The following SLC35F2 variants were observed in gnomAD, a reference collection of about 807,000 sequenced individuals.
SLC35F2 encodes solute carrier family 35 member F2, also known as queuine/queuosine transporter SLC35F2.
In SLC35F2, 25 loss-of-function variants were observed where a neutral mutation model predicts 38.1. The observed-to-expected ratio is 0.66, with a 90% confidence interval of 0.48 to 0.92. The LOEUF (loss-of-function observed/expected upper bound fraction) is 0.92, where lower values mean the gene tolerates loss of function less well. Ranked by LOEUF, SLC35F2 falls within the 40% of genes least tolerant of loss-of-function variation. The pLI is 0.00. For synonymous variants in SLC35F2, 173 were observed against 181.7 expected, an observed-to-expected ratio of 0.95 and a Z score of 0.38; for missense variants, 409 against 452.9, an observed-to-expected ratio of 0.90 and a Z score of 0.88.
chr11:107,810,919 CTTCAAA>C, intron 3 of SLC35F2: 2 of 979,276 alleles, frequency 2.0e-6, no homozygotes, highest in Non-Finnish European at 1.2e-6. Flanking sequence ...AAGTTATAAA[CTTCAAA>C]TCCCACATCT....
intron 2 of SLC35F2, among the ~76,000 whole-genome samples, chr11:107,813,900 G>A (rs955290248): frequency 6.6e-6 from 1 of 152,082 alleles, no homozygotes; most frequent in East Asian, 1.9e-4. Context: ...CCTGGCCTCA[G>A]GTGATCCTCC....
chr11:107,845,882 G>A (rs1935994630), intron 1 of SLC35F2, among the ~76,000 whole-genome samples: 1 of 151,458 alleles, frequency 6.6e-6, no homozygotes, highest in African/African-American at 2.4e-5. Context: ...GAACCCAGGA[G>A]GCAGAGGTTG....
chr11:107,834,004 G>C (rs1329060527), intron 1 of SLC35F2, among the ~76,000 whole-genome samples: 1 of 152,152 alleles, frequency 6.6e-6, no homozygotes, highest in Non-Finnish European at 1.5e-5. Flanking sequence ...TGCCGGACAC[G>C]GACTCAAGGC....
intron 1 of SLC35F2, among the ~76,000 whole-genome samples, chr11:107,844,026 G>T (rs28455172): frequency 0.018 from 2,698 of 151,568 alleles, 65 homozygotes; most frequent in African/African-American, 0.062. Context: ...CCCAGAAGAT[G>T]CATTCTATTT....
chr11:107,824,673 T>A (rs1591197509), intron 1 of SLC35F2, among the ~76,000 whole-genome samples: 2 of 152,322 alleles, frequency 1.3e-5, no homozygotes, highest in East Asian at 3.9e-4. Flanking sequence ...TTTAAGTGAG[T>A]GTAATACCAC....
intron 1 of SLC35F2, among the ~76,000 whole-genome samples, chr11:107,832,459 T>C (rs1859859743): frequency 6.6e-6 from 1 of 152,156 alleles, no homozygotes; most frequent in Admixed American, 6.5e-5. Flanking sequence ...TTGTGGAAAT[T>C]TTTTGTTATT....
intron 1 of SLC35F2, among the ~76,000 whole-genome samples, chr11:107,857,199 G>A (rs573606003): frequency 1.1e-4 from 15 of 137,112 alleles, no homozygotes; most frequent in African/African-American, 3.6e-4. Context: ...GGACGGACAC[G>A]GACGGAAGGA....
At chr11:107,800,269 G>A (rs1859286891) in intron 7 of SLC35F2, among the ~76,000 whole-genome samples, 1 of 151,868 alleles carries the variant, frequency 6.6e-6, no homozygotes, top group Non-Finnish European at 1.5e-5. Flanking sequence ...CAGCAAGTCT[G>A]CAAAGATAAC....
chr11:107,835,511 AT>A (rs1319504779), intron 1 of SLC35F2, among the ~76,000 whole-genome samples: 5 of 151,408 alleles, frequency 3.3e-5, no homozygotes, highest in Admixed American at 3.3e-4. Context: ...ATCAGGGTTC[AT>A]TGCAGCCTCC....
intron 1 of SLC35F2, among the ~76,000 whole-genome samples, chr11:107,843,691 C>CA (rs1860047800): frequency 6.6e-6 from 1 of 150,870 alleles, no homozygotes; most frequent in Non-Finnish European, 1.5e-5. Flanking sequence ...CCCATTTCTA[C>CA]AAAAATTTTT....
chr11:107,799,332 G>A (rs1183543358), intron 7 of SLC35F2, among the ~76,000 whole-genome samples: 2 of 152,130 alleles, frequency 1.3e-5, no homozygotes, highest in Admixed American at 6.6e-5. Flanking sequence ...AAAGTTATGT[G>A]GCCAAAAAAT....
At chr11:107,802,437 T>C (rs1859324043) in intron 7 of SLC35F2, among the ~76,000 whole-genome samples, 1 of 152,174 alleles carries the variant, frequency 6.6e-6, no homozygotes. Flanking sequence ...GACCCATTGC[T>C]GATGGCAGCA....
intron 1 of SLC35F2, among the ~76,000 whole-genome samples, chr11:107,853,382 C>T (rs984198046): frequency 1.3e-5 from 2 of 152,128 alleles, no homozygotes; most frequent in Admixed American, 6.5e-5. Flanking sequence ...AGAGACAAGT[C>T]TGAAGCCTAG....
At chr11:107,842,467 C>A (rs1860028328) in intron 1 of SLC35F2, among the ~76,000 whole-genome samples, 1 of 151,898 alleles carries the variant, frequency 6.6e-6, no homozygotes, top group Non-Finnish European at 1.5e-5. Flanking sequence ...AGTTCTCATG[C>A]CTCAGCCTCC....
At chr11:107,794,083 CTTTTTTTTTT>C in intron 7 of SLC35F2, among the ~76,000 whole-genome samples, 1 of 137,978 alleles carries the variant, frequency 7.2e-6, no homozygotes, top group African/African-American at 2.7e-5. Flanking sequence ...TGTATTTTTT[CTTTTTTTTTT>C]TTTTTTAGAC....
At chr11:107,847,840 C>T (rs530880464) in intron 1 of SLC35F2, among the ~76,000 whole-genome samples, 1 of 152,334 alleles carries the variant, frequency 6.6e-6, no homozygotes, top group African/African-American at 2.4e-5. Flanking sequence ...AGATCAGTGT[C>T]TCTGAACCAA....
At chr11:107,840,293 A>G (rs1327869362) in intron 1 of SLC35F2, among the ~76,000 whole-genome samples, 2 of 152,224 alleles carry the variant, frequency 1.3e-5, no homozygotes, top group East Asian at 3.8e-4. Context: ...CTGGATTGCA[A>G]GAGAGTACAT....
intron 3 of SLC35F2, chr11:107,811,067 G>A (rs1859472321): frequency 1.0e-6 from 1 of 984,890 alleles, no homozygotes; most frequent in African/African-American, 1.7e-5. Context: ...CAGTAATGGT[G>A]AGTCAGTGTT....
chr11:107,803,535 A>G, intron 6 of SLC35F2: 1 of 982,248 alleles, frequency 1.0e-6, no homozygotes, highest in Non-Finnish European at 1.2e-6. Context: ...ATCACTCATT[A>G]TGTTTTCTTT....
Sources: gnomAD v4.1 joint callset for allele counts (sites outside exome capture counted in the v4.1 genomes callset) on GRCh38, gnomAD v4.1.1 for gene constraint, MANE v1.5 for transcripts, NCBI Gene and HGNC (gene_info 2026-07-23, HGNC 2026-07-21) for gene names.